The following NMB variants were observed in gnomAD, a reference collection of about 807,000 sequenced individuals.
NMB encodes neuromedin-B.
Under a neutral mutation model 11.7 loss-of-function variants are expected in NMB, and 12 were observed. The ratio of observed to expected loss-of-function variants is 1.03; its 90% CI spans 0.66 to 1.66. The LOEUF (loss-of-function observed/expected upper bound fraction) is 1.66. NMB is among the 40% of genes most tolerant of loss of function. The pLI is 0.00. For synonymous variants in NMB, 76 were observed against 72.6 expected, an observed-to-expected ratio of 1.05 and a Z score of -0.24; for missense variants, 174 against 157.9, an observed-to-expected ratio of 1.10 and a Z score of -0.55.
intron 2 of NMB, among the ~76,000 whole-genome samples, chr15:84,655,823 C>T (rs1896772155): frequency 6.6e-6 from 1 of 152,128 alleles, no homozygotes; most frequent in Admixed American, 6.5e-5. Context: ...CATTGTTTCC[C>T]TTCAGACTCA....
Position 84,658,142 on chromosome 15 carries a change from C to A in NMB, c.11G>T (p.Arg4Leu). MAR[R>L]AGGARMFGSL... Reference sequence around the variant, plus strand: ...GCCGAACATCCGAGCGCCCCCCGCCCGCCGGGCCATGGCTGTGCCCGGGCC... The same window carrying A: ...GCCGAACATCCGAGCGCCCCCCGCCAGCCGGGCCATGGCTGTGCCCGGGCC... The change falls in exon 1 of 3, where the codon CGG becomes CTG. Residue 4 changes from arginine (R) to leucine (L), a missense_variant. Coordinates refer to ENST00000360476, the MANE Select transcript of NMB (RefSeq NM_021077.4). The A allele has an allele frequency of 6.6e-7, 1 of 1,506,030 alleles. No individual in the cohort carries two copies. Among genetic ancestry groups the A allele is most frequent in the Non-Finnish European group, 8.8e-7 (1 of 1,136,140 alleles). 93.3% of individuals were successfully genotyped at this position (1,506,030 alleles called of 1,614,324 possible). A position where few individuals can be genotyped will look rare whatever the true frequency, so the allele number is the denominator to read the frequency against.
rs201158728 is a variant in NMB at position 84,657,993 on chromosome 15, T to C, written c.157+3A>G. 3 of 1,591,288 alleles carry C rather than the reference T, an allele frequency of 1.9e-6. No homozygotes were observed. The highest frequency in any genetic ancestry group is 2.2e-5 in the South Asian group (2 of 89,676). On this transcript the variant is annotated splice_donor_region_variant and intron_variant, in intron 1 of 2. Transcript: ENST00000360476. ...CTTGCTTGCTCCGTCCCCAAAGACTTACCGGTGGCCCAGAGGTTGCCTCGC... is the reference window on the plus strand; with the variant it reads ...CTTGCTTGCTCCGTCCCCAAAGACTCACCGGTGGCCCAGAGGTTGCCTCGC...
intron 2 of NMB, 31 bp from the exon 3 acceptor site, chr15:84,655,440 A>G: frequency 6.2e-7 from 1 of 1,612,456 alleles, no homozygotes; most frequent in Non-Finnish European, 8.5e-7. Context: ...GAATTGAGCC[A>G]GGGAGGGGCT....
At chr15:84,655,952 C>T (rs1896775360) in intron 2 of NMB, among the ~76,000 whole-genome samples, 1 of 152,098 alleles carries the variant, frequency 6.6e-6, no homozygotes, top group South Asian at 2.1e-4. Flanking sequence ...AATGCCTCTC[C>T]CTTCAAAATG....
chr15:84,657,919 G>C, intron 1 of NMB, 77 bp downstream of exon 1: 1 of 1,474,960 alleles, frequency 6.8e-7, no homozygotes, highest in Non-Finnish European at 9.0e-7. Context: ...TGGCTGAGGA[G>C]CGGCCAGAGG....
chr15:84,658,018 C>T lies in NMB; in HGVS notation c.135G>A (p.Ser45=), dbSNP rs1453864348. ...RSRASKIRVH[S]RGNLWATGHF... is the part of the protein sequence containing the mutation. ...TACCGGTGGCCCAGAGGTTGCCTCG[C>T]GAGTGCACTCGGATCTTGCTGGCTC... The change falls in exon 1 of 3, where the codon TCG becomes TCA. Residue 45 remains serine (S), a synonymous_variant. Coordinates refer to ENST00000360476, the MANE Select transcript of NMB (RefSeq NM_021077.4). The T allele has an allele frequency of 1.1e-5, 18 of 1,597,796 alleles. No individual in the cohort carries two copies. Among genetic ancestry groups the T allele is most frequent in the Non-Finnish European group, 1.5e-5 (18 of 1,173,190 alleles).
At chr15:84,657,911 G>A in intron 1 of NMB, 85 bp downstream of exon 1, 1 of 1,450,308 alleles carries the variant, frequency 6.9e-7, no homozygotes, top group African/African-American at 1.5e-5. Context: ...AGTGTCCGTG[G>A]CTGAGGAGCG....
At position 84,657,228 on chromosome 15, in the gene NMB, A is replaced by G. The variant is rs766765407; in HGVS notation, c.278T>C (p.Leu93Pro). The G allele has an allele frequency of 3.7e-6, 6 of 1,612,152 alleles. No homozygotes were observed. The highest frequency in any genetic ancestry group is 5.1e-6 in the Non-Finnish European group (6 of 1,179,298). ...QLSHDLLGIL[L>P]LKKALGVSLS... ...GCTCACGCCCAGAGCCTTCTTTAGC[A>G]GGAGGATTCCGAGCAGATCATGACT... is the stretch of plus-strand genomic sequence containing the variant. The change falls in exon 2 of 3, where the codon CTG (leucine) becomes CCG (proline). Residue 93 changes from leucine to proline, a missense_variant. Transcript: ENST00000360476.
intron 1 of NMB, among the ~76,000 whole-genome samples, chr15:84,657,620 G>A (rs1319902851): frequency 6.6e-6 from 1 of 152,198 alleles, no homozygotes; most frequent in Non-Finnish European, 1.5e-5. Context: ...TGCTAGTTGT[G>A]TGGGCTGCTT....
At chr15:84,657,456 T>C in intron 1 of NMB, 108 bp from the exon 2 acceptor site, 1 of 1,068,724 alleles carries the variant, frequency 9.4e-7, no homozygotes, top group Non-Finnish European at 1.3e-6. Context: ...GGGAAGACAC[T>C]TAACCTTCCT....
At chr15:84,655,455 A>G (rs1424675339) in intron 2 of NMB, 46 bp from the exon 3 acceptor site, 2 of 1,610,496 alleles carry the variant, frequency 1.2e-6, no homozygotes, top group Non-Finnish European at 1.7e-6. Flanking sequence ...GGGGCTCCTG[A>G]TAAAGATAGG....
chr15:84,657,344 G>T lies in NMB; in HGVS notation c.162C>A (p.His54Gln). The change falls in exon 2 of 3, where the codon CAC (histidine) becomes CAA (glutamine). Residue 54 changes from histidine (H) to glutamine (Q), a missense_variant. Coordinates refer to ENST00000360476, the MANE Select transcript of NMB (RefSeq NM_021077.4). ...HSRGNLWATG[H>Q]FMGKKSLEPS... The stretch of plus-strand genomic sequence containing the variant: ...GCTCCAGACTCTTCTTGCCCATGAA[G>T]TGACCTGGAAAGGAGGTGTCCAGGC... 1 of 1,515,304 alleles carries T rather than the reference G, an allele frequency of 6.6e-7. No individual in the cohort carries two copies. The allele number at this position is 1,515,304 out of a possible 1,614,324, so 93.9% of individuals were successfully genotyped here. A position where few individuals can be genotyped will look rare whatever the true frequency, so the allele number is the denominator to read the frequency against.
intron 2 of NMB, among the ~76,000 whole-genome samples, chr15:84,656,261 C>T (rs1896781609): frequency 6.6e-6 from 1 of 152,072 alleles, no homozygotes. Context: ...CACATTCTAC[C>T]ACATCACACT....
At position 84,658,127 on chromosome 15, in the gene NMB, C is replaced by A. The variant is rs753514842; in HGVS notation, c.26G>T (p.Arg9Leu). 6 of 1,523,700 alleles carry A rather than the reference C, an allele frequency of 3.9e-6. No homozygotes were observed. Among genetic ancestry groups the A allele is most frequent in the Non-Finnish European group, 5.2e-6 (6 of 1,144,906 alleles). The allele number at this position is 1,523,700 out of a possible 1,614,324, so 94.4% of individuals were successfully genotyped here. MARRAGGARMFGSLLLFAL... is the reference protein window; with the variant it reads MARRAGGALMFGSLLLFAL... ...GAAGAGCAGGAGGCTGCCGAACATC[C>A]GAGCGCCCCCCGCCCGCCGGGCCAT... The change falls in exon 1 of 3, where the codon CGG (arginine) becomes CTG (leucine). Residue 9 changes from arginine to leucine, a missense_variant. Physicochemically the swap from Arg to Leu is moderately radical, Grantham distance 102. Around this residue, in one of 2 missense-constraint regions of NMB, gnomAD observed 168 missense variants for 138.4 expected, o/e 1.21. Coordinates refer to ENST00000360476, the MANE Select transcript of NMB (RefSeq NM_021077.4).
In NMB at chr15:84,657,211, CCA is replaced by C. The variant is rs1283010720; in HGVS notation, c.293_294del (p.Leu98ArgfsTer59). Reference sequence around the variant, plus strand: ...GGTGCGGGGCGGCTGAGGCTCACGCCCAGAGCCTTCTTTAGCAGGAGGATTCC... The same window carrying C: ...GGTGCGGGGCGGCTGAGGCTCACGCCGAGCCTTCTTTAGCAGGAGGATTCC... ...LLGILLLKKA[L>X]GVSLSRPAPQ... On this transcript the variant is annotated frameshift_variant, in exon 2 of 3. Transcript: ENST00000360476. LOFTEE classifies it high-confidence loss of function. 1 of 1,612,860 alleles carries C rather than the reference CCA, an allele frequency of 6.2e-7. No individual in the cohort carries two copies.
At chr15:84,656,405 A>G (rs893386324) in intron 2 of NMB, among the ~76,000 whole-genome samples, 3 of 151,628 alleles carry the variant, frequency 2.0e-5, no homozygotes, top group Non-Finnish European at 4.4e-5. Context: ...TGGAGTCTTG[A>G]ATCCCATAGA....
intron 2 of NMB, among the ~76,000 whole-genome samples, chr15:84,656,478 T>G (rs1186178170): frequency 2.0e-5 from 3 of 150,392 alleles, no homozygotes; most frequent in African/African-American, 7.4e-5. Flanking sequence ...TGGTGATGTC[T>G]GGAGGTCTTT....
rs982272053 is a variant in NMB, at chr15:84,658,139, G to A, written c.14C>T (p.Ala5Val). The change falls in exon 1 of 3, where the codon GCG (alanine) becomes GTG (valine). Residue 5 changes from alanine to valine, a missense_variant. Ala to Val is a moderately conservative substitution (Grantham distance 64, BLOSUM62 0). Coordinates refer to ENST00000360476, the MANE Select transcript of NMB (RefSeq NM_021077.4). MARR[A>V]GGARMFGSLL... is the part of the protein sequence containing the mutation. Reference sequence around the variant, plus strand: ...GCTGCCGAACATCCGAGCGCCCCCCGCCCGCCGGGCCATGGCTGTGCCCGG... The same window carrying A: ...GCTGCCGAACATCCGAGCGCCCCCCACCCGCCGGGCCATGGCTGTGCCCGG... 2 of 1,507,006 alleles carry A rather than the reference G, an allele frequency of 1.3e-6. No homozygotes were observed. Among genetic ancestry groups the A allele is most frequent in the Admixed American group, 2.2e-5 (1 of 45,454 alleles). 93.4% of individuals were successfully genotyped at this position (1,507,006 alleles called of 1,614,324 possible).
Position 84,655,315 on chromosome 15 carries a change from C to T in NMB, c.*59G>A, listed in dbSNP as rs1896760158. On this transcript the variant is annotated 3_prime_UTR_variant, in exon 3 of 3. Coordinates refer to ENST00000360476, the MANE Select transcript of NMB (RefSeq NM_021077.4). ...GGGCCATCAACAGGGTCCCATTCAG[C>T]ACCTTCCCTGGGTGGGCACAATCTA... is the stretch of plus-strand genomic sequence containing the variant. 1.2e-6 allele frequency: 2 copies of T among 1,613,932 alleles called. No individual in the cohort carries two copies. The highest frequency in any genetic ancestry group is 8.5e-7 in the Non-Finnish European group (1 of 1,179,866).
Sources: allele counts gnomAD v4.1 joint callset (sites outside exome capture counted in the v4.1 genomes callset), GRCh38; gene constraint gnomAD v4.1.1; regional missense constraint gnomAD v4.1.1; transcripts MANE v1.5; gene names NCBI Gene and HGNC (gene_info 2026-07-23, HGNC 2026-07-21).